Variants in GALNTL6 observed in about 807,000 individuals in gnomAD.
GALNTL6 encodes the protein polypeptide N-acetylgalactosaminyltransferase like 6.
In GALNTL6, 46 loss-of-function variants were observed where a neutral mutation model predicts 73.7. The ratio of observed to expected loss-of-function variants is 0.62; its 90% CI spans 0.49 to 0.80. The LOEUF (loss-of-function observed/expected upper bound fraction) is 0.80. GALNTL6 is among the 30% of genes least tolerant of loss of function. The pLI, the probability that GALNTL6 is intolerant of heterozygous loss-of-function variation, is 0.00. For synonymous variants in GALNTL6, 259 were observed against 263.7 expected (o/e 0.98, Z 0.17); for missense variants, 604 against 755.0 (o/e 0.80, Z 2.34).
intron 2 of GALNTL6, among the ~76,000 whole-genome samples, chr4:172,054,243 T>C (rs989216246): frequency 6.6e-6 from 1 of 152,156 alleles, no homozygotes; most frequent in Non-Finnish European, 1.5e-5. Flanking sequence ...ATTAGAACAA[T>C]TCTTATCACA....
intron 2 of GALNTL6, among the ~76,000 whole-genome samples, chr4:171,824,077 T>A (rs866399648): frequency 7.7e-6 from 1 of 129,218 alleles, no homozygotes; most frequent in African/African-American, 3.1e-5. Context: ...CAAATCCATT[T>A]TATATATATA....
chr4:172,933,293 C>T (rs930609844), intron 9 of GALNTL6, among the ~76,000 whole-genome samples: 2 of 152,024 alleles, frequency 1.3e-5, no homozygotes, highest in Admixed American at 6.6e-5. Flanking sequence ...GGTGTGTATG[C>T]TTGCTTCGTA....
intron 5 of GALNTL6, among the ~76,000 whole-genome samples, chr4:172,612,564 A>AAAGG (rs1397987409): frequency 6.6e-6 from 1 of 152,066 alleles, no homozygotes; most frequent in Non-Finnish European, 1.5e-5. Flanking sequence ...CCTTCCCTGG[A>AAAGG]AAGGAACTTC....
At chr4:172,104,734 G>A (rs1229754570) in intron 2 of GALNTL6, among the ~76,000 whole-genome samples, 1 of 152,090 alleles carries the variant, frequency 6.6e-6, no homozygotes, top group East Asian at 1.9e-4. Flanking sequence ...CATGGCTAAT[G>A]AGTAGAAAAA....
intron 2 of GALNTL6, among the ~76,000 whole-genome samples, chr4:172,127,543 T>A (rs1359781024): frequency 1.3e-5 from 2 of 152,258 alleles, no homozygotes; most frequent in Non-Finnish European, 2.9e-5. Context: ...TTATGAAAAC[T>A]AAGATATTAG....
rs1455034695 is a variant in GALNTL6 at position 172,069,016 on chromosome 4, G to C, written c.139-160640G>C. ...CCTGCAGAAATGTCAGGTTTGGTTTGGTTGTCATCCACAGATTTTTATTTA... is the reference window on the plus strand; with the variant it reads ...CCTGCAGAAATGTCAGGTTTGGTTTCGTTGTCATCCACAGATTTTTATTTA... On this transcript the variant is annotated intron_variant, in intron 2 of 12. Coordinates refer to ENST00000506823, the MANE Select transcript of GALNTL6 (RefSeq NM_001034845.3). Among the ~76,000 whole-genome samples, 5 of 109,050 alleles carry C rather than the reference G, an allele frequency of 4.6e-5. 2 individuals carry two copies. Among genetic ancestry groups the C allele is most frequent in the African/African-American group, 1.7e-4 (5 of 28,888 alleles). 71.5% of individuals were successfully genotyped at this position (109,050 alleles called of 152,430 possible).
chr4:172,460,370 G>A (rs920334341), intron 5 of GALNTL6, among the ~76,000 whole-genome samples: 1 of 152,212 alleles, frequency 6.6e-6, no homozygotes, highest in Middle Eastern at 3.4e-3. Context: ...ATTGACAAAT[G>A]GGACCTAATT....
intron 4 of GALNTL6, among the ~76,000 whole-genome samples, chr4:172,338,834 A>C (rs1741440379): frequency 6.6e-6 from 1 of 152,152 alleles, no homozygotes; most frequent in South Asian, 2.1e-4. Context: ...AGCACCAAGA[A>C]ATGTGCCTAC....
intron 3 of GALNTL6, among the ~76,000 whole-genome samples, chr4:172,310,184 GATAAT>G (rs1319637527): frequency 6.6e-6 from 1 of 152,100 alleles, no homozygotes; most frequent in Non-Finnish European, 1.5e-5. Flanking sequence ...TGAATGCCAT[GATAAT>G]GTTTAAATAT....
intron 12 of GALNTL6, among the ~76,000 whole-genome samples, chr4:173,022,062 G>A (rs201058594): frequency 4.2e-5 from 5 of 117,748 alleles, no homozygotes; most frequent in African/African-American, 1.0e-4. Flanking sequence ...AAGGAAGGAA[G>A]GAAGGAAGGA....
intron 2 of GALNTL6, among the ~76,000 whole-genome samples, chr4:172,117,871 A>G (rs1733029583): frequency 6.6e-6 from 1 of 152,214 alleles, no homozygotes; most frequent in Non-Finnish European, 1.5e-5. Flanking sequence ...AATGAAAAAA[A>G]CAAAATCAGA....
At position 172,270,766 on chromosome 4, in the gene GALNTL6, T is replaced by A. The variant is rs1738618642; in HGVS notation, c.248-40848T>A. Among the ~76,000 whole-genome samples the A allele has an allele frequency of 2.0e-5, 3 of 151,894 alleles. No homozygotes were observed. The South Asian group carries it at 6.2e-4, about 32-fold the overall frequency. On this transcript the variant is annotated intron_variant, in intron 3 of 12. Coordinates refer to ENST00000506823, the MANE Select transcript of GALNTL6 (RefSeq NM_001034845.3). ...AGATAGATAGATGATAGATAGTAGATAGATAATCTCTAGATATAGAGCTGT... is the reference window on the plus strand; with the variant it reads ...AGATAGATAGATGATAGATAGTAGAAAGATAATCTCTAGATATAGAGCTGT...
intron 5 of GALNTL6, among the ~76,000 whole-genome samples, chr4:172,553,533 T>C (rs1244356681): frequency 6.6e-6 from 1 of 152,144 alleles, no homozygotes; most frequent in Non-Finnish European, 1.5e-5. Flanking sequence ...AAATGAGGAG[T>C]TAAATTTTGC....
At chr4:171,858,021 A>T (rs1735736280) in intron 2 of GALNTL6, among the ~76,000 whole-genome samples, 1 of 152,162 alleles carries the variant, frequency 6.6e-6, no homozygotes, top group South Asian at 2.1e-4. Flanking sequence ...GTGTGTAACA[A>T]CCATATTTAT....
chr4:172,944,469 C>T (rs536155932), intron 9 of GALNTL6, among the ~76,000 whole-genome samples: 1 of 152,262 alleles, frequency 6.6e-6, no homozygotes, highest in South Asian at 2.1e-4. Flanking sequence ...CTGACCACAC[C>T]ACATGTTGGA....
intron 5 of GALNTL6, among the ~76,000 whole-genome samples, chr4:172,595,986 CAT>C (rs1372984743): frequency 6.6e-6 from 1 of 151,980 alleles, no homozygotes; most frequent in East Asian, 1.9e-4. Context: ...TTATATAAAA[CAT>C]ATACATATAT....
At chr4:172,487,181 G>GA (rs1408922863) in intron 5 of GALNTL6, among the ~76,000 whole-genome samples, 1 of 151,942 alleles carries the variant, frequency 6.6e-6, no homozygotes, top group African/African-American at 2.4e-5. Context: ...AGATAAAAGT[G>GA]AAAATCTTCA....
chr4:172,951,216 T>C lies in GALNTL6; in HGVS notation c.1150-821T>C, dbSNP rs138985249. Among the ~76,000 whole-genome samples the C allele has an allele frequency of 3.8e-3, 585 of 152,322 alleles. 3 individuals carry two copies. The highest frequency in any genetic ancestry group is 0.013 in the African/African-American group (558 of 41,582). On this transcript the variant is annotated intron_variant, in intron 9 of 12. Coordinates refer to ENST00000506823, the MANE Select transcript of GALNTL6 (RefSeq NM_001034845.3). ...AGTGCTTTACGGGTGTTGCCTTACTTAATCCTACAGCCACCCCCGTGATGC... is the reference window on the plus strand; with the variant it reads ...AGTGCTTTACGGGTGTTGCCTTACTCAATCCTACAGCCACCCCCGTGATGC...
intron 5 of GALNTL6, among the ~76,000 whole-genome samples, chr4:172,642,835 T>A (rs1032201320): frequency 3.9e-5 from 6 of 151,950 alleles, no homozygotes; most frequent in Non-Finnish European, 7.4e-5. Context: ...ATATATTCCA[T>A]TTTTATTTGT....
Sources: allele counts gnomAD v4.1 joint callset (sites outside exome capture counted in the v4.1 genomes callset), GRCh38; gene constraint gnomAD v4.1.1; transcripts MANE v1.5; gene names NCBI Gene and HGNC (gene_info 2026-07-23, HGNC 2026-07-21).